The following CNTN4 variants were observed in gnomAD, a reference collection of about 807,000 sequenced individuals.
The protein encoded by CNTN4 is contactin 4.
Under a neutral mutation model 122.5 loss-of-function variants are expected in CNTN4, and 77 were observed. The observed-to-expected ratio is 0.63, with a 90% confidence interval of 0.52 to 0.76. CNTN4 has a LOEUF of 0.76. Among genes scored for constraint, CNTN4 ranks in the 30% least tolerant of loss-of-function variants. CNTN4 has a pLI of 0.00. For synonymous variants in CNTN4, 512 were observed against 447.0 expected (o/e 1.15, Z -1.83); for missense variants, 1,256 against 1,259.1 (o/e 1.00, Z 0.04).
chr3:2,934,928 A>C (rs556378404), intron 13 of CNTN4, among the ~76,000 whole-genome samples: 1 of 152,370 alleles, frequency 6.6e-6, no homozygotes, highest in East Asian at 1.9e-4. Flanking sequence ...CTTCAAATTC[A>C]GACCTAGAAC....
At chr3:2,847,560 T>C (rs1033485475) in intron 7 of CNTN4, among the ~76,000 whole-genome samples, 4 of 152,198 alleles carry the variant, frequency 2.6e-5, no homozygotes, top group Admixed American at 6.5e-5. Flanking sequence ...TGCCAGACCT[T>C]AGCCCCGGCC....
intron 8 of CNTN4, among the ~76,000 whole-genome samples, chr3:2,881,349 C>G (rs182323489): frequency 1.3e-5 from 2 of 152,170 alleles, no homozygotes; most frequent in East Asian, 3.9e-4. Flanking sequence ...CTCATCGCTA[C>G]TAAAAATACA....
At chr3:2,649,760 A>G (rs2083281958) in intron 4 of CNTN4, among the ~76,000 whole-genome samples, 1 of 152,042 alleles carries the variant, frequency 6.6e-6, no homozygotes, top group Non-Finnish European at 1.5e-5. Flanking sequence ...TGCCATACAT[A>G]GTGACTTCTC....
intron 14 of CNTN4, among the ~76,000 whole-genome samples, chr3:3,009,679 CTCCT>C (rs1165502798): frequency 1.4e-4 from 22 of 152,236 alleles, no homozygotes; most frequent in South Asian, 6.2e-4. Context: ...GTGATCTGCC[CTCCT>C]CGGCCTCCCA....
intron 4 of CNTN4, chr3:2,735,988 A>AT (rs1464430011): frequency 1.1e-5 from 7 of 651,570 alleles, no homozygotes; most frequent in Non-Finnish European, 2.0e-5. Context: ...TGTTAGTAAA[A>AT]TTAGTGACCA....
At chr3:2,444,208 T>TAAAAAAA (rs36104812) in intron 3 of CNTN4, among the ~76,000 whole-genome samples, 1 of 136,346 alleles carries the variant, frequency 7.3e-6, no homozygotes, top group Non-Finnish European at 1.6e-5. Flanking sequence ...TGTATTCTAG[T>TAAAAAAA]AAAAAAAAAA....
intron 4 of CNTN4, among the ~76,000 whole-genome samples, chr3:2,681,243 T>C (rs2085149169): frequency 2.6e-5 from 4 of 152,034 alleles, no homozygotes; most frequent in Admixed American, 1.3e-4. Context: ...GGCAGGATGC[T>C]ACAGATTGCC....
At chr3:2,707,123 A>G (rs2086787993) in intron 4 of CNTN4, among the ~76,000 whole-genome samples, 1 of 151,752 alleles carries the variant, frequency 6.6e-6, no homozygotes, top group Admixed American at 6.6e-5. Context: ...GACATGGTGA[A>G]ACTCCATCTC....
At chr3:2,532,060 T>C (rs1176933697) in intron 3 of CNTN4, among the ~76,000 whole-genome samples, 1 of 152,202 alleles carries the variant, frequency 6.6e-6, no homozygotes, top group Non-Finnish European at 1.5e-5. Flanking sequence ...ACTTCTTAAC[T>C]CACACTGGAC....
chr3:2,116,823 C>G (rs1335109223), intron 2 of CNTN4, among the ~76,000 whole-genome samples: 5 of 152,140 alleles, frequency 3.3e-5, no homozygotes, highest in African/African-American at 1.2e-4. Flanking sequence ...GATTTCAGCC[C>G]TGGCTCCTCC....
chr3:2,376,301 A>C (rs61223450), intron 3 of CNTN4, among the ~76,000 whole-genome samples: 13,717 of 152,144 alleles, frequency 0.09, 1,041 homozygotes, highest in African/African-American at 0.21. Flanking sequence ...CCCTGATCCA[A>C]ATTAGAACAC....
intron 4 of CNTN4, among the ~76,000 whole-genome samples, chr3:2,703,221 T>C (rs2086457146): frequency 1.3e-5 from 2 of 152,214 alleles, no homozygotes; most frequent in Admixed American, 6.5e-5. Flanking sequence ...ATTTACGTCA[T>C]GTATGCCTAA....
chr3:2,909,311 C>T (rs1210817029), intron 12 of CNTN4, among the ~76,000 whole-genome samples: 5 of 152,112 alleles, frequency 3.3e-5, no homozygotes, highest in African/African-American at 9.7e-5. Context: ...TGATCATATA[C>T]GTACCAGTAG....
At chr3:2,918,153 A>G (rs145060322) in intron 12 of CNTN4, among the ~76,000 whole-genome samples, 4 of 152,334 alleles carry the variant, frequency 2.6e-5, no homozygotes, top group Non-Finnish European at 4.4e-5. Context: ...GATAAGCAAG[A>G]TATCAGTCAC....
chr3:2,112,663 CTTA>C (rs2033054277), intron 2 of CNTN4, among the ~76,000 whole-genome samples: 1 of 152,106 alleles, frequency 6.6e-6, no homozygotes, highest in Non-Finnish European at 1.5e-5. Context: ...TTGTTTAGAG[CTTA>C]TCATTAAACC....
chr3:2,281,601 T>C (rs2041717360), intron 2 of CNTN4, among the ~76,000 whole-genome samples: 1 of 152,142 alleles, frequency 6.6e-6, no homozygotes, highest in African/African-American at 2.4e-5. Context: ...TGTCATTATA[T>C]ACCAACTGAT....
chr3:2,946,141 A>G (rs62232842), intron 13 of CNTN4, among the ~76,000 whole-genome samples: 11,257 of 152,192 alleles, frequency 0.074, 470 homozygotes, highest in Middle Eastern at 0.12. Flanking sequence ...GTTTTCAGCC[A>G]TCCCTGGGGG....
intron 8 of CNTN4, among the ~76,000 whole-genome samples, chr3:2,875,763 C>T (rs12639305): frequency 1.3e-5 from 2 of 151,736 alleles, no homozygotes; most frequent in Admixed American, 6.6e-5. Context: ...GGGACCAACA[C>T]GTACAGAGAT....
chr3:2,736,467 A>G, intron 5 of CNTN4, 126 bp downstream of exon 5: 1 of 497,066 alleles, frequency 2.0e-6, no homozygotes, highest in Non-Finnish European at 2.7e-6. Flanking sequence ...TTTATTTTAT[A>G]TATTTATATT....
Sources: gnomAD v4.1 joint callset for allele counts (sites outside exome capture counted in the v4.1 genomes callset) on GRCh38, gnomAD v4.1.1 for gene constraint, MANE v1.5 for transcripts, NCBI Gene and HGNC (gene_info 2026-07-23, HGNC 2026-07-21) for gene names.